RABGAP1L: variants seen among roughly 807,000 people sequenced by gnomAD.
The protein encoded by RABGAP1L is rab GTPase-activating protein 1-like.
Under a neutral mutation model 137.7 loss-of-function variants are expected in RABGAP1L, and 63 were observed. The observed-to-expected ratio is 0.46, with a 90% CI of 0.37 to 0.56. The LOEUF is 0.56. RABGAP1L is among the 20% of genes least tolerant of loss of function. RABGAP1L has a pLI of 0.00. For synonymous variants in RABGAP1L, 431 were observed against 433.7 expected, an observed-to-expected ratio of 0.99 and a Z score of 0.08; for missense variants, 1,095 against 1,244.0, an observed-to-expected ratio of 0.88 and a Z score of 1.80.
At position 174,859,976 on chromosome 1, in the gene RABGAP1L, T is replaced by C. The variant is rs997714520; in HGVS notation, c.2340+48016T>C. Among the ~76,000 whole-genome samples, 7 of 105,340 alleles carry C rather than the reference T, an allele frequency of 6.6e-5. No individual in the cohort carries two copies. In the South Asian group the frequency reaches 8.0e-4, roughly 12 times the overall value. 69.1% of individuals were successfully genotyped at this position (105,340 alleles called of 152,430 possible). A position where few individuals can be genotyped will look rare whatever the true frequency, so the allele number is the denominator to read the frequency against. On this transcript the variant is annotated intron_variant, in intron 19 of 25. Transcript: ENST00000681986. ...TGCTTTTTTTTTTTTTTTTTTTTTT[T>C]CCAAATAAAGTAAGAGCCTCACTAT...
At chr1:174,564,479 G>C (rs1299602316) in intron 13 of RABGAP1L, among the ~76,000 whole-genome samples, 1 of 152,090 alleles carries the variant, frequency 6.6e-6, no homozygotes, top group Admixed American at 6.6e-5. Context: ...TTTTACAGTT[G>C]TGTATAGTGA....
intron 14 of RABGAP1L, among the ~76,000 whole-genome samples, chr1:174,647,477 G>A (rs753623041): frequency 3.9e-5 from 6 of 152,058 alleles, no homozygotes; most frequent in Admixed American, 3.9e-4. Context: ...TGTGGTTTTT[G>A]TCATTGGTTC....
intron 14 of RABGAP1L, among the ~76,000 whole-genome samples, chr1:174,653,816 A>G (rs1278227105): frequency 6.6e-6 from 1 of 152,160 alleles, no homozygotes; most frequent in African/African-American, 2.4e-5. Flanking sequence ...GCTATCTCAT[A>G]TTTTCTTTGT....
intron 8 of RABGAP1L, among the ~76,000 whole-genome samples, chr1:174,273,647 A>AT (rs1674739543): frequency 6.6e-6 from 1 of 152,018 alleles, no homozygotes; most frequent in South Asian, 2.1e-4. Context: ...GAGGAAGTAA[A>AT]TTAGGAGGAT....
chr1:174,570,988 G>A (rs573341382), intron 13 of RABGAP1L, among the ~76,000 whole-genome samples: 1 of 152,292 alleles, frequency 6.6e-6, no homozygotes, highest in African/African-American at 2.4e-5. Flanking sequence ...TTGCAATACT[G>A]TTTACAATAG....
At chr1:174,275,544 C>G (rs1674922991) in intron 8 of RABGAP1L, among the ~76,000 whole-genome samples, 2 of 152,050 alleles carry the variant, frequency 1.3e-5, no homozygotes, top group South Asian at 4.1e-4. Context: ...AAGTTAAATA[C>G]AACTTTGTAA....
chr1:174,408,454 T>C (rs1044978574), intron 13 of RABGAP1L, among the ~76,000 whole-genome samples: 5 of 152,220 alleles, frequency 3.3e-5, no homozygotes, highest in Admixed American at 6.5e-5. Flanking sequence ...ATTTTCTTTT[T>C]CCAACCCACT....
At chr1:174,487,830 A>T (rs534423539) in intron 13 of RABGAP1L, among the ~76,000 whole-genome samples, 1 of 152,190 alleles carries the variant, frequency 6.6e-6, no homozygotes, top group African/African-American at 2.4e-5. Context: ...CTTGCAAGTA[A>T]TATCTTATAA....
chr1:174,588,106 T>C (rs1473763615), intron 13 of RABGAP1L, among the ~76,000 whole-genome samples: 1 of 152,084 alleles, frequency 6.6e-6, no homozygotes, highest in East Asian at 1.9e-4. Context: ...CCTCAAGTGA[T>C]CCACCCGCCT....
At chr1:174,480,712 C>T (rs189235371) in intron 13 of RABGAP1L, among the ~76,000 whole-genome samples, 33 of 152,304 alleles carry the variant, frequency 2.2e-4, no homozygotes, top group African/African-American at 7.2e-4. Flanking sequence ...GGATATCTAT[C>T]ACACAAAATG....
chr1:174,365,434 C>G (rs147969857), intron 11 of RABGAP1L: 68 of 152,212 alleles, frequency 4.5e-4, no homozygotes, highest in African/African-American at 1.6e-3. Context: ...ATTCTAGATG[C>G]CTTTCAAGTT....
At chr1:174,724,305 A>G (rs1312093865) in intron 17 of RABGAP1L, among the ~76,000 whole-genome samples, 1 of 152,214 alleles carries the variant, frequency 6.6e-6, no homozygotes, top group Non-Finnish European at 1.5e-5. Context: ...CTAAAGGTTA[A>G]GTTATTAAAG....
chr1:174,449,365 T>C (rs143259739), intron 13 of RABGAP1L, among the ~76,000 whole-genome samples: 2 of 152,226 alleles, frequency 1.3e-5, no homozygotes, highest in African/African-American at 4.8e-5. Context: ...TGGAAGAAAC[T>C]AAAGGGAAGG....
At chr1:174,341,697 GT>G (rs533742183) in intron 11 of RABGAP1L, among the ~76,000 whole-genome samples, 97 of 152,166 alleles carry the variant, frequency 6.4e-4, no homozygotes, top group Non-Finnish European at 1.1e-3. Context: ...GATTTCTAAA[GT>G]TTTAAGCTAT....
intron 10 of RABGAP1L, among the ~76,000 whole-genome samples, chr1:174,281,538 A>G (rs1439705572): frequency 5.3e-5 from 8 of 152,184 alleles, no homozygotes; most frequent in Admixed American, 2.6e-4. Flanking sequence ...GCCCAGCCGG[A>G]TTCGCCTCTC....
chr1:174,503,058 G>A (rs1475798405), intron 13 of RABGAP1L, among the ~76,000 whole-genome samples: 2 of 152,200 alleles, frequency 1.3e-5, no homozygotes, highest in African/African-American at 4.8e-5. Context: ...ATGGGCATAT[G>A]TGTTGGTGGG....
chr1:174,979,402 A>T (rs147549246), intron 23 of RABGAP1L, among the ~76,000 whole-genome samples: 4 of 152,318 alleles, frequency 2.6e-5, no homozygotes, highest in African/African-American at 7.2e-5. Flanking sequence ...ACTGACCAAA[A>T]CAATCTATTG....
At chr1:174,338,575 TG>T (rs1681692783) in intron 11 of RABGAP1L, among the ~76,000 whole-genome samples, 1 of 151,972 alleles carries the variant, frequency 6.6e-6, no homozygotes, top group Non-Finnish European at 1.5e-5. Flanking sequence ...TTCTTGAATT[TG>T]GTGGATTGAA....
intron 19 of RABGAP1L, among the ~76,000 whole-genome samples, chr1:174,872,780 GTCC>G (rs1346227890): frequency 4.6e-5 from 7 of 151,928 alleles, no homozygotes; most frequent in Non-Finnish European, 8.8e-5. Context: ...GGCTCAAGCA[GTCC>G]TCCTCCCTCA....
Sources: allele counts gnomAD v4.1 joint callset (sites outside exome capture counted in the v4.1 genomes callset), GRCh38; gene constraint gnomAD v4.1.1; transcripts MANE v1.5; gene names NCBI Gene and HGNC (gene_info 2026-07-23, HGNC 2026-07-21).